TAFA5: variants seen among roughly 807,000 people sequenced by gnomAD.
The protein encoded by TAFA5 is TAFA chemokine like family member 5.
Under a neutral mutation model 15.3 loss-of-function variants are expected in TAFA5, and 6 were observed. The observed-to-expected ratio is 0.39, with a 90% CI of 0.21 to 0.77. The LOEUF (loss-of-function observed/expected upper bound fraction) is 0.77. Among genes scored for constraint, TAFA5 ranks in the 30% least tolerant of loss-of-function variants. TAFA5 has a pLI of 0.41. For missense variants in TAFA5, 161 were observed against 193.1 expected, an observed-to-expected ratio of 0.83 and a Z score of 0.98; for synonymous variants, 103 against 80.7, an observed-to-expected ratio of 1.28 and a Z score of -1.48.
In TAFA5 at chr22:48,751,509, T is replaced by G. The variant is rs1163564425; in HGVS notation, c.*1662T>G. 1 of 152,410 alleles carries G rather than the reference T, an allele frequency of 6.6e-6. No homozygotes were observed. Among genetic ancestry groups the G allele is most frequent in the East Asian group, 1.9e-4 (1 of 5,200 alleles). The allele number at this position is 152,410 out of a possible 1,614,324, so 9.4% of individuals were successfully genotyped here. On this transcript the variant is annotated 3_prime_UTR_variant, in exon 4 of 4. Transcript: ENST00000402357. ...ACTAAAAAAAACGTAAAAAAATAAC[T>G]ATATAGAAGCTGTTCCAGCAACCAT...
chr22:48,619,818 G>A (rs28726374), intron 1 of TAFA5, among the ~76,000 whole-genome samples: 135,594 of 152,274 alleles, frequency 0.89, 60,530 homozygotes, highest in East Asian at 1. Flanking sequence ...GGCATGCTGG[G>A]GTGGGAAGCG....
chr22:48,726,778 T>C (rs1221269176), intron 3 of TAFA5, among the ~76,000 whole-genome samples: 1 of 152,222 alleles, frequency 6.6e-6, no homozygotes, highest in Non-Finnish European at 1.5e-5. Flanking sequence ...TTGCAGTTTA[T>C]ATGGCATTTT....
rs1262813089 is a variant in TAFA5 at position 48,638,942 on chromosome 22, C to T, written c.113-7655C>T. Among the ~76,000 whole-genome samples the T allele has an allele frequency of 1.3e-4, 19 of 144,144 alleles. 1 individual carries two copies. The highest frequency in any genetic ancestry group is 1.2e-3 in the Admixed American group (18 of 14,686). 94.6% of individuals were successfully genotyped at this position (144,144 alleles called of 152,430 possible). On this transcript the variant is annotated intron_variant, in intron 1 of 3. Transcript: ENST00000402357. Reference sequence around the variant, plus strand: ...CCCTGGGTCACCGCACACGGGGGGACCCCGACACTAAGCCCTGGGACACCA... The same window carrying T: ...CCCTGGGTCACCGCACACGGGGGGATCCCGACACTAAGCCCTGGGACACCA...
intron 2 of TAFA5, among the ~76,000 whole-genome samples, chr22:48,655,830 C>CTTTTTTTTTTTTTTTTT (rs1197219539): frequency 4.8e-5 from 3 of 62,410 alleles, no homozygotes; most frequent in Admixed American, 1.9e-4. Flanking sequence ...AACACTGATT[C>CTTTTTTTTTTTTTTTTT]TTTTTTTTTT....
chr22:48,673,256 C>G (rs545769142), intron 2 of TAFA5, among the ~76,000 whole-genome samples: 1 of 152,246 alleles, frequency 6.6e-6, no homozygotes, highest in African/African-American at 2.4e-5. Flanking sequence ...GTGGCACCAT[C>G]CTTGTGGATC....
At chr22:48,564,857 G>C (rs1923357523) in intron 1 of TAFA5, among the ~76,000 whole-genome samples, 1 of 152,208 alleles carries the variant, frequency 6.6e-6, no homozygotes, top group Non-Finnish European at 1.5e-5. Context: ...CCCCATGGTG[G>C]GTGCCTTCGG....
At chr22:48,703,097 G>A (rs944868529) in intron 2 of TAFA5, among the ~76,000 whole-genome samples, 8 of 152,124 alleles carry the variant, frequency 5.3e-5, no homozygotes, top group Non-Finnish European at 5.9e-5. Context: ...GCATGTGTGC[G>A]TGTGTGCTGC....
chr22:48,704,674 T>C (rs2147249023), intron 2 of TAFA5, among the ~76,000 whole-genome samples: 1 of 152,002 alleles, frequency 6.6e-6, no homozygotes, highest in Middle Eastern at 3.4e-3. Context: ...CAGTTGCTTT[T>C]TCTCGGAGGG....
chr22:48,553,052 C>T (rs1421471790), intron 1 of TAFA5, among the ~76,000 whole-genome samples: 1 of 152,206 alleles, frequency 6.6e-6, no homozygotes, highest in African/African-American at 2.4e-5. Context: ...CACCCCTCAT[C>T]TCCCACCACC....
At chr22:48,644,023 A>T (rs770365449) in intron 1 of TAFA5, among the ~76,000 whole-genome samples, 1 of 152,262 alleles carries the variant, frequency 6.6e-6, no homozygotes, top group Non-Finnish European at 1.5e-5. Flanking sequence ...GTTGCCCCAC[A>T]GCATGGCTTT....
At chr22:48,593,073 G>A (rs28539902) in intron 1 of TAFA5, among the ~76,000 whole-genome samples, 56,372 of 152,042 alleles carry the variant, frequency 0.37, 10,694 homozygotes, top group Middle Eastern at 0.44. Context: ...GATGTCCTCC[G>A]GGAATCCCGA....
intron 2 of TAFA5, among the ~76,000 whole-genome samples, chr22:48,702,239 G>T (rs1222514480): frequency 6.6e-6 from 1 of 152,144 alleles, no homozygotes; most frequent in Non-Finnish European, 1.5e-5. Flanking sequence ...GTGATGGAGA[G>T]CATGGTGTGG....
intron 3 of TAFA5, among the ~76,000 whole-genome samples, chr22:48,743,600 G>A (rs1485536793): frequency 1.3e-5 from 2 of 152,220 alleles, no homozygotes; most frequent in African/African-American, 2.4e-5. Flanking sequence ...AGCTCATGGA[G>A]GAGGGGGAGG....
intron 1 of TAFA5, among the ~76,000 whole-genome samples, chr22:48,553,236 T>G (rs187388873): frequency 1.7e-3 from 265 of 151,858 alleles, no homozygotes; most frequent in Non-Finnish European, 3.0e-3. Flanking sequence ...TCTGTGCCCC[T>G]CCTGCCTGGC....
At chr22:48,492,588 A>G (rs1928193536) in intron 1 of TAFA5, among the ~76,000 whole-genome samples, 1 of 152,170 alleles carries the variant, frequency 6.6e-6, no homozygotes, top group Admixed American at 6.5e-5. Context: ...CCTGCAGTCC[A>G]CCAATTAGGC....
intron 2 of TAFA5, chr22:48,693,439 C>T: frequency 6.2e-7 from 1 of 1,606,980 alleles, no homozygotes; most frequent in Non-Finnish European, 8.5e-7. Context: ...AAAGGAGGGA[C>T]TGCGACTCTT....
intron 3 of TAFA5, among the ~76,000 whole-genome samples, chr22:48,711,388 C>G (rs904963424): frequency 6.6e-6 from 1 of 151,000 alleles, no homozygotes; most frequent in Non-Finnish European, 1.5e-5. Flanking sequence ...GGTGAGTGAC[C>G]GTGTGCTCAC....
rs560789564 is a variant in TAFA5 at position 48,635,072 on chromosome 22, G to A, written c.113-11525G>A. On this transcript the variant is annotated intron_variant, in intron 1 of 3. Coordinates refer to ENST00000402357, the MANE Select transcript of TAFA5 (RefSeq NM_001082967.3). ...GCCCCTACTCCACCATCCTGCCCGGGCTGTTCTGGGCCTGGGGCCTGGGGA... is the reference window on the plus strand; with the variant it reads ...GCCCCTACTCCACCATCCTGCCCGGACTGTTCTGGGCCTGGGGCCTGGGGA... Among the ~76,000 whole-genome samples the A allele has an allele frequency of 5.2e-4, 79 of 152,342 alleles. 1 individual carries two copies. The highest frequency in any genetic ancestry group is 4.4e-5 in the Non-Finnish European group (3 of 68,032).
intron 1 of TAFA5, among the ~76,000 whole-genome samples, chr22:48,537,242 C>G (rs1201276735): frequency 6.6e-6 from 1 of 152,196 alleles, no homozygotes; most frequent in East Asian, 1.9e-4. Flanking sequence ...GCCGGTGCTG[C>G]CACCACATGG....
Sources: gnomAD v4.1 joint callset for allele counts (sites outside exome capture counted in the v4.1 genomes callset) on GRCh38, gnomAD v4.1.1 for gene constraint, MANE v1.5 for transcripts, NCBI Gene and HGNC (gene_info 2026-07-23, HGNC 2026-07-21) for gene names.